Variants in TRERF1 observed in about 807,000 individuals in gnomAD.
The protein encoded by TRERF1 is transcriptional-regulating factor 1.
A neutral mutation model predicts 122.9 loss-of-function variants in TRERF1; 27 were observed. The ratio of observed to expected loss-of-function variants is 0.22; its 90% CI spans 0.16 to 0.30. TRERF1 has a LOEUF of 0.30. Among genes scored for constraint, TRERF1 ranks in the 10% least tolerant of loss-of-function variants. TRERF1 has a pLI of 1.00. For missense variants in TRERF1, 1,248 were observed against 1,560.3 expected, an observed-to-expected ratio of 0.80 and a Z score of 3.37; for synonymous variants, 636 against 641.7, an observed-to-expected ratio of 0.99 and a Z score of 0.13.
intron 2 of TRERF1, among the ~76,000 whole-genome samples, chr6:42,394,077 CA>C (rs1778181532): frequency 6.6e-6 from 1 of 152,054 alleles, no homozygotes; most frequent in Admixed American, 6.6e-5. Flanking sequence ...GTAAACGGAC[CA>C]GATTTTTAAA....
intron 3 of TRERF1, among the ~76,000 whole-genome samples, chr6:42,333,440 C>T (rs1211169847): frequency 6.6e-6 from 1 of 152,204 alleles, no homozygotes; most frequent in Non-Finnish European, 1.5e-5. Flanking sequence ...GGACCCGGAA[C>T]GTTGTCCTAT....
At chr6:42,304,063 T>G (rs1786722138) in intron 3 of TRERF1, among the ~76,000 whole-genome samples, 1 of 152,102 alleles carries the variant, frequency 6.6e-6, no homozygotes. Context: ...ACCCTTGCCC[T>G]CCCTCCCAAT....
chr6:42,451,744 T>G (rs1788588197), intron 1 of TRERF1, among the ~76,000 whole-genome samples: 1 of 151,674 alleles, frequency 6.6e-6, no homozygotes, highest in African/African-American at 2.4e-5. Context: ...CCAGCCCCCT[T>G]TCCCAGCCCT....
rs1010401748 is a variant in TRERF1 at position 42,232,346 on chromosome 6, CCAAA to C, written c.3278+331_3278+334del. Among the ~76,000 whole-genome samples, 2 of 152,088 alleles carry C rather than the reference CCAAA, an allele frequency of 1.3e-5. No homozygotes were observed. The highest frequency in any genetic ancestry group is 4.8e-5 in the African/African-American group (2 of 41,424). ...CATTCTCAAATCATTCAGCGGGGATCCAAACAGAGTAATGCTAGTGAACATAGCT... is the reference window on the plus strand; with the variant it reads ...CATTCTCAAATCATTCAGCGGGGATCCAGAGTAATGCTAGTGAACATAGCT... On this transcript the variant is annotated intron_variant, in intron 17 of 17. Transcript: ENST00000372922. This position sits in a 1 kb window ranked among gnomAD's most constrained non-coding sequence, Gnocchi z 4.5.
At position 42,306,879 on chromosome 6, in the gene TRERF1, C is replaced by T. The variant is rs150448524; in HGVS notation, c.-370-6130G>A. Among the ~76,000 whole-genome samples, 515 of 152,306 alleles carry T rather than the reference C, an allele frequency of 3.4e-3. 2 individuals carry two copies. Among genetic ancestry groups the T allele is most frequent in the Non-Finnish European group, 5.7e-3 (389 of 68,026 alleles). Reference sequence around the variant, plus strand: ...GCTCTATCAGGGCATGGGCTATGTCCGTTTTTTTCACCGCTGTGTCTAATG... The same window carrying T: ...GCTCTATCAGGGCATGGGCTATGTCTGTTTTTTTCACCGCTGTGTCTAATG... On this transcript the variant is annotated intron_variant, in intron 3 of 17. Coordinates refer to ENST00000372922, the Ensembl canonical transcript of TRERF1.
intron 4 of TRERF1, among the ~76,000 whole-genome samples, chr6:42,277,902 GA>G (rs200274960): frequency 2.1e-5 from 2 of 96,594 alleles, no homozygotes; most frequent in Admixed American, 1.2e-4. Context: ...GAAGAAGGAA[GA>G]AGGAAGAAGA....
chr6:42,359,371 G>A lies in TRERF1; in HGVS notation c.-371+3626C>T, dbSNP rs116331835. On this transcript the variant is annotated intron_variant, in intron 3 of 17. Transcript: ENST00000372922. ...CCAGGACAGTCTGACTGTGTAGCTG[G>A]TTCAGGAAACCAAAGGCAAGCGGGG... Among the ~76,000 whole-genome samples, 1,378 of 152,298 alleles carry A rather than the reference G, an allele frequency of 9.0e-3. 8 individuals are homozygous for A. The highest frequency in any genetic ancestry group is 0.016 in the Non-Finnish European group (1,063 of 68,008).
At position 42,346,495 on chromosome 6, in the gene TRERF1, G is replaced by A. The variant is rs142319750; in HGVS notation, c.-371+16502C>T. On this transcript the variant is annotated intron_variant, in intron 3 of 17. Transcript: ENST00000372922. Reference sequence around the variant, plus strand: ...ATCTATGTCCAGCTCCAAGAACTCTGGTCAATCCACAGCGATCCAGAGCAA... The same window carrying A: ...ATCTATGTCCAGCTCCAAGAACTCTAGTCAATCCACAGCGATCCAGAGCAA... Among the ~76,000 whole-genome samples, 226 of 152,268 alleles carry A rather than the reference G, an allele frequency of 1.5e-3. 1 individual carries two copies. Among genetic ancestry groups the A allele is most frequent in the Middle Eastern group, 6.8e-3 (2 of 294 alleles).
chr6:42,245,674 A>G (rs1774657801), intron 14 of TRERF1, among the ~76,000 whole-genome samples: 1 of 152,256 alleles, frequency 6.6e-6, no homozygotes, highest in Non-Finnish European at 1.5e-5. Flanking sequence ...AATGCTGTAT[A>G]CGCAAGGTAT....
At chr6:42,349,802 G>A (rs779875431) in intron 3 of TRERF1, among the ~76,000 whole-genome samples, 1 of 151,990 alleles carries the variant, frequency 6.6e-6, no homozygotes, top group Non-Finnish European at 1.5e-5. Flanking sequence ...CATGGTAACC[G>A]CCGAAGAGCC....
chr6:42,292,765 A>C (rs2150160232), intron 4 of TRERF1, among the ~76,000 whole-genome samples: 1 of 152,324 alleles, frequency 6.6e-6, no homozygotes, highest in South Asian at 2.1e-4. Context: ...TGGCAATCTA[A>C]AGCTTAATTG....
At chr6:42,320,198 C>T (rs1763181688) in intron 3 of TRERF1, among the ~76,000 whole-genome samples, 1 of 152,078 alleles carries the variant, frequency 6.6e-6, no homozygotes, top group African/African-American at 2.4e-5. Flanking sequence ...CGCACCCAGC[C>T]ATAACTAAAT....
chr6:42,251,905 T>A (rs34887444), intron 13 of TRERF1, among the ~76,000 whole-genome samples: 7,132 of 152,282 alleles, frequency 0.047, 231 homozygotes, highest in Non-Finnish European at 0.072. Flanking sequence ...TCTGCAGGAA[T>A]GACCAGTTCA....
chr6:42,350,019 A>G (rs1424259882), intron 3 of TRERF1, among the ~76,000 whole-genome samples: 1 of 152,132 alleles, frequency 6.6e-6, no homozygotes, highest in Admixed American at 6.5e-5. Flanking sequence ...TTATTAGTGG[A>G]CTATCATATT....
At chr6:42,429,235 T>C (rs1034356407) in intron 2 of TRERF1, among the ~76,000 whole-genome samples, 2 of 152,202 alleles carry the variant, frequency 1.3e-5, no homozygotes, top group Non-Finnish European at 2.9e-5. Flanking sequence ...TGCTTCCTTT[T>C]TTCTTCCATC....
intron 2 of TRERF1, among the ~76,000 whole-genome samples, chr6:42,403,363 C>T (rs941494931): frequency 6.6e-6 from 1 of 152,020 alleles, no homozygotes; most frequent in African/African-American, 2.4e-5. Flanking sequence ...ATGACTGATG[C>T]CCTTATTTAT....
intron 2 of TRERF1, among the ~76,000 whole-genome samples, chr6:42,377,824 A>G (rs260235): frequency 0.023 from 3,502 of 152,266 alleles, 117 homozygotes; most frequent in African/African-American, 0.079. Context: ...TGTGTTATAT[A>G]CATCTCCATG....
intron 9 of TRERF1, among the ~76,000 whole-genome samples, chr6:42,258,983 C>A (rs1200820260): frequency 1.3e-5 from 2 of 152,160 alleles, no homozygotes; most frequent in African/African-American, 4.8e-5. Flanking sequence ...GATCCACCCG[C>A]CTCGACCTCC....
chr6:42,298,599 G>A (rs1785503420), intron 4 of TRERF1, among the ~76,000 whole-genome samples: 1 of 148,238 alleles, frequency 6.7e-6, no homozygotes, highest in African/African-American at 2.5e-5. Context: ...GAGGTCAGGA[G>A]TTCGAGACCA....
Sources: gnomAD v4.1 joint callset for allele counts (sites outside exome capture counted in the v4.1 genomes callset) on GRCh38, gnomAD v4.1.1 for gene constraint, Gnocchi (gnomAD v3.1) non-coding constraint, MANE v1.5 for transcripts, NCBI Gene and HGNC (gene_info 2026-07-23, HGNC 2026-07-21) for gene names.